Variants in CMSS1 observed in about 807,000 individuals in gnomAD.
The protein encoded by CMSS1 is protein CMSS1.
CMSS1 carries 33 observed loss-of-function variants against 43.5 expected under a neutral mutation model. The ratio of observed to expected loss-of-function variants is 0.76; its 90% CI spans 0.57 to 1.01. The LOEUF is 1.01. Ranked by LOEUF, CMSS1 falls within the 50% of genes least tolerant of loss-of-function variation. The pLI is 0.00. For missense variants in CMSS1, 313 were observed against 326.4 expected, an observed-to-expected ratio of 0.96 and a Z score of 0.32; for synonymous variants, 115 against 117.2, an observed-to-expected ratio of 0.98 and a Z score of 0.12.
intron 1 of CMSS1, among the ~76,000 whole-genome samples, chr3:100,038,450 T>C (rs1436812449): frequency 6.6e-6 from 1 of 152,166 alleles, no homozygotes; most frequent in African/African-American, 2.4e-5. Context: ...TTATAGAGAA[T>C]TCGAGTAGGG....
At chr3:100,096,713 G>A (rs2066215922) in intron 1 of CMSS1, among the ~76,000 whole-genome samples, 1 of 151,794 alleles carries the variant, frequency 6.6e-6, no homozygotes, top group South Asian at 2.1e-4. Context: ...GCACAACAGA[G>A]TGACTACAGT....
intron 1 of CMSS1, among the ~76,000 whole-genome samples, chr3:99,952,588 T>C (rs1708208861): frequency 6.6e-6 from 1 of 152,200 alleles, no homozygotes; most frequent in Non-Finnish European, 1.5e-5. Flanking sequence ...TAGAAAACAC[T>C]ATGCTTTGGT....
chr3:99,826,592 C>T (rs971318402), intron 1 of CMSS1, among the ~76,000 whole-genome samples: 2 of 152,136 alleles, frequency 1.3e-5, no homozygotes, highest in East Asian at 1.9e-4. Context: ...AGTTTGCAAA[C>T]GCTGCCCCAA....
At chr3:99,848,137 G>T in intron 1 of CMSS1, 1 of 1,488,890 alleles carries the variant, frequency 6.7e-7, no homozygotes, top group Non-Finnish European at 8.9e-7. Context: ...GTTAGTTTCA[G>T]ATACTCTTGT....
chr3:99,892,543 T>C (rs2097441588), intron 1 of CMSS1, among the ~76,000 whole-genome samples: 1 of 152,242 alleles, frequency 6.6e-6, no homozygotes, highest in South Asian at 2.1e-4. Flanking sequence ...CTGGTTCTTG[T>C]GGCTTTGATC....
At chr3:99,924,582 G>T (rs1191376120) in intron 1 of CMSS1, among the ~76,000 whole-genome samples, 6 of 152,110 alleles carry the variant, frequency 3.9e-5, no homozygotes, top group African/African-American at 7.2e-5. Context: ...GCAATGGCGC[G>T]ATCTCGACTC....
intron 1 of CMSS1, among the ~76,000 whole-genome samples, chr3:100,129,740 A>G (rs576166840): frequency 4.6e-5 from 7 of 152,332 alleles, no homozygotes; most frequent in Middle Eastern, 3.4e-3. Flanking sequence ...GAGAAACTCA[A>G]TACTCACACT....
intron 2 of CMSS1, among the ~76,000 whole-genome samples, chr3:100,156,559 G>A (rs187458848): frequency 4.7e-4 from 71 of 151,396 alleles, no homozygotes; most frequent in Non-Finnish European, 7.4e-4. Flanking sequence ...CGCCCTCCTC[G>A]GCCTCCCAAA....
At chr3:99,983,500 A>G (rs866696764) in intron 1 of CMSS1, among the ~76,000 whole-genome samples, 7 of 108,906 alleles carry the variant, frequency 6.4e-5, no homozygotes, top group South Asian at 5.9e-4. Context: ...ATATATATAT[A>G]TATATATATG....
chr3:99,820,853 G>A (rs955931827), intron 1 of CMSS1, among the ~76,000 whole-genome samples: 3 of 152,180 alleles, frequency 2.0e-5, no homozygotes, highest in African/African-American at 7.2e-5. Context: ...GAAAGTTGAA[G>A]GAGAAATAAT....
At chr3:99,952,754 T>G (rs1159491172) in intron 1 of CMSS1, among the ~76,000 whole-genome samples, 3 of 152,184 alleles carry the variant, frequency 2.0e-5, no homozygotes, top group Non-Finnish European at 4.4e-5. Flanking sequence ...ACAGAAACAG[T>G]TATTATTAAA....
chr3:99,987,075 C>T (rs536409255), intron 1 of CMSS1, among the ~76,000 whole-genome samples: 1 of 151,368 alleles, frequency 6.6e-6, no homozygotes, highest in East Asian at 2.0e-4. Context: ...CAAAAAAATA[C>T]AAAAATTAGC....
intron 1 of CMSS1, among the ~76,000 whole-genome samples, chr3:100,055,435 T>C (rs924008503): frequency 6.6e-6 from 1 of 152,214 alleles, no homozygotes; most frequent in Admixed American, 6.5e-5. Flanking sequence ...TATCACACTG[T>C]GACAATCACT....
At chr3:100,128,915 A>G (rs1044051440) in intron 1 of CMSS1, among the ~76,000 whole-genome samples, 10 of 152,172 alleles carry the variant, frequency 6.6e-5, no homozygotes, top group Non-Finnish European at 1.0e-4. Flanking sequence ...ATGGGCATCT[A>G]TCAGAATTTT....
chr3:100,081,857 C>T (rs1044447314), intron 1 of CMSS1, among the ~76,000 whole-genome samples: 1 of 152,282 alleles, frequency 6.6e-6, no homozygotes, highest in East Asian at 1.9e-4. Context: ...TTAGCAGCAT[C>T]CTTGGCCTCT....
intron 1 of CMSS1, among the ~76,000 whole-genome samples, chr3:99,971,492 C>T (rs1218389795): frequency 6.6e-6 from 1 of 152,292 alleles, no homozygotes; most frequent in African/African-American, 2.4e-5. Flanking sequence ...TGGTATGGGA[C>T]TCAGGAATGA....
chr3:100,021,831 A>G (rs1186418432), intron 1 of CMSS1, among the ~76,000 whole-genome samples: 1 of 152,128 alleles, frequency 6.6e-6, no homozygotes, highest in African/African-American at 2.4e-5. Flanking sequence ...TTATAATTCA[A>G]TAGAACAGTG....
chr3:99,963,905 C>T (rs754447420), intron 1 of CMSS1, among the ~76,000 whole-genome samples: 157 of 152,232 alleles, frequency 1.0e-3, no homozygotes, highest in African/African-American at 3.4e-3. Context: ...TGTGAGCCAC[C>T]GCGCCCAGCC....
At chr3:99,849,895 G>A (rs372304983) in intron 1 of CMSS1, 38 of 1,611,682 alleles carry the variant, frequency 2.4e-5, no homozygotes, top group Admixed American at 1.2e-4. Context: ...TGCTTCCAAT[G>A]ATTGAAGCCT....
Sources: allele counts gnomAD v4.1 joint callset (sites outside exome capture counted in the v4.1 genomes callset), GRCh38; gene constraint gnomAD v4.1.1; transcripts MANE v1.5; gene names NCBI Gene and HGNC (gene_info 2026-07-23, HGNC 2026-07-21).